The following TENM1 variants were observed in gnomAD, a reference collection of about 807,000 sequenced individuals.
TENM1 encodes teneurin-1.
Under a neutral mutation model 174.8 loss-of-function variants are expected in TENM1, and 35 were observed. The ratio of observed to expected loss-of-function variants is 0.20; its 90% CI spans 0.15 to 0.27. The LOEUF is 0.27. TENM1 is among the 10% of genes least tolerant of loss of function. The probability of loss-of-function intolerance (pLI) is 1.00; values close to 1 mark genes in which losing one functional copy is unlikely to be tolerated. For missense variants in TENM1, 1,633 were observed against 2,130.1 expected, an observed-to-expected ratio of 0.77 and a Z score of 4.59; for synonymous variants, 781 against 798.7, an observed-to-expected ratio of 0.98 and a Z score of 0.37.
chrX:125,012,079 C>T, the TENM1 span, among the ~76,000 whole-genome samples: 2 of 111,558 alleles, frequency 1.8e-5, no homozygotes, highest in African/African-American at 3.3e-5. Flanking sequence ...CAAACTAACA[C>T]AGGAACAGAA....
chrX:124,403,389 G>A (rs905977972), intron 27 of TENM1, among the ~76,000 whole-genome samples: 26 of 109,025 alleles, frequency 2.4e-4, no homozygotes, highest in African/African-American at 6.7e-4. Context: ...GTGTGGTGGC[G>A]GGCACCTGTA....
At chrX:125,037,964 A>G in the TENM1 span, among the ~76,000 whole-genome samples, 2 of 111,186 alleles carry the variant, frequency 1.8e-5, no homozygotes, top group Admixed American at 9.6e-5. Context: ...GGAACTCCAC[A>G]TTCACAGGTG....
intron 11 of TENM1, among the ~76,000 whole-genome samples, chrX:124,593,974 C>T (rs940338600): frequency 3.6e-5 from 4 of 112,349 alleles, no homozygotes; most frequent in Non-Finnish European, 7.5e-5. Flanking sequence ...TCTAGGTTGC[C>T]AAGCAATGGC....
At chrX:124,652,837 A>T (rs180982277) in intron 7 of TENM1, among the ~76,000 whole-genome samples, 1 of 112,076 alleles carries the variant, frequency 8.9e-6, no homozygotes, top group Non-Finnish European at 1.9e-5. Context: ...TTTGAATCAC[A>T]TTTGAATGCA....
chrX:124,478,815 T>C (rs1046479035), intron 22 of TENM1, among the ~76,000 whole-genome samples: 1 of 112,429 alleles, frequency 8.9e-6, no homozygotes, highest in African/African-American at 3.2e-5. Flanking sequence ...CAGGGTAGTT[T>C]TAAAGCAAAA....
chrX:125,106,480 G>A, the TENM1 span, among the ~76,000 whole-genome samples: 1 of 108,097 alleles, frequency 9.3e-6, no homozygotes, highest in African/African-American at 3.4e-5. Flanking sequence ...CGTGATCTCA[G>A]CTCACTGCAA....
intron 11 of TENM1, among the ~76,000 whole-genome samples, chrX:124,619,650 T>A (rs1056719690): frequency 2.2e-4 from 25 of 112,205 alleles, no homozygotes; most frequent in African/African-American, 7.8e-4. Context: ...TACCAATTTA[T>A]ATAACCACAA....
intron 3 of TENM1, among the ~76,000 whole-genome samples, chrX:124,878,867 C>A (rs1603258105): frequency 9.0e-6 from 1 of 111,571 alleles, no homozygotes; most frequent in East Asian, 2.8e-4. Context: ...CACGGAAGAC[C>A]AGAAACAACT....
intron 5 of TENM1, among the ~76,000 whole-genome samples, chrX:124,696,468 A>T (rs771144550): frequency 9.0e-6 from 1 of 110,872 alleles, no homozygotes; most frequent in Non-Finnish European, 1.9e-5. Flanking sequence ...CATTTCAAAA[A>T]TTTCCACTTT....
chrX:124,684,598 A>G (rs1382188569), intron 5 of TENM1, among the ~76,000 whole-genome samples: 2 of 111,766 alleles, frequency 1.8e-5, no homozygotes, highest in Admixed American at 1.9e-4. Context: ...CATAGACCCA[A>G]GCTCCAGGCC....
chrX:125,102,655 T>C, the TENM1 span, among the ~76,000 whole-genome samples: 160 of 112,393 alleles, frequency 1.4e-3, 1 homozygote, highest in African/African-American at 5.1e-3. Flanking sequence ...GAGTTTTCAC[T>C]AATGACCTGT....
At chrX:124,993,304 G>A in the TENM1 span, among the ~76,000 whole-genome samples, 3 of 110,976 alleles carry the variant, frequency 2.7e-5, no homozygotes, top group South Asian at 7.6e-4. Flanking sequence ...TGAATTATGG[G>A]TATGATTCGA....
rs188974518 is a variant in TENM1 at position 124,918,535 on chromosome X, G to A, written c.218-22294C>T. ...AGTTTTCTAACAGAAGCAAAGGAAT[G>A]TCATGGTGAGGCTCTGAGCCTGAAG... On this transcript the variant is annotated intron_variant, in intron 1 of 31. Coordinates refer to ENST00000422452, the Ensembl canonical transcript of TENM1. Among the ~76,000 whole-genome samples, 17 of 103,950 alleles carry A rather than the reference G, an allele frequency of 1.6e-4. No homozygotes were observed. In the East Asian group the frequency reaches 4.8e-3, roughly 30 times the overall value. 90.3% of individuals were successfully genotyped at this position (103,950 alleles called of 115,157 possible).
chrX:124,438,447 A>T (rs1301502094), intron 23 of TENM1, among the ~76,000 whole-genome samples: 2 of 110,836 alleles, frequency 1.8e-5, no homozygotes, highest in African/African-American at 6.6e-5. Flanking sequence ...AAATGTGTGG[A>T]AGACTGAGTG....
chrX:124,754,251 C>G (rs1156839479), intron 3 of TENM1, among the ~76,000 whole-genome samples: 1 of 111,443 alleles, frequency 9.0e-6, no homozygotes, highest in African/African-American at 3.3e-5. Context: ...TCCATTTCTT[C>G]TAGATTTTCT....
At chrX:124,551,313 G>C (rs1434779936) in intron 14 of TENM1, among the ~76,000 whole-genome samples, 1 of 111,496 alleles carries the variant, frequency 9.0e-6, no homozygotes, top group Non-Finnish European at 1.9e-5. Flanking sequence ...AGGCATCTAA[G>C]ATAGTCAAAC....
chrX:124,894,440 G>A (rs2057527534), intron 2 of TENM1, 88 bp from the exon 6 acceptor site: 9 of 653,040 alleles, frequency 1.4e-5, no homozygotes, highest in Non-Finnish European at 2.1e-5. Context: ...ATCTAGTGGT[G>A]CTTAAAAAAA....
the TENM1 span, among the ~76,000 whole-genome samples, chrX:125,001,856 C>G: frequency 3.9e-5 from 3 of 76,148 alleles, no homozygotes; most frequent in South Asian, 6.7e-4. Context: ...GATAGATACA[C>G]ACACACACAC....
chrX:125,086,218 T>C, the TENM1 span, among the ~76,000 whole-genome samples: 34 of 111,253 alleles, frequency 3.1e-4, no homozygotes, highest in African/African-American at 1.1e-3. Context: ...TAGTAATTAC[T>C]ATAACTTTGA....
Sources: gnomAD v4.1 joint callset for allele counts (sites outside exome capture counted in the v4.1 genomes callset) on GRCh38, gnomAD v4.1.1 for gene constraint, MANE v1.5 for transcripts, NCBI Gene and HGNC (gene_info 2026-07-23, HGNC 2026-07-21) for gene names.